The following LRRTM3 variants were observed in gnomAD, a reference collection of about 807,000 sequenced individuals.
LRRTM3 encodes the protein leucine rich repeat transmembrane neuronal 3.
LRRTM3 carries 24 observed loss-of-function variants against 44.7 expected under a neutral mutation model. The observed-to-expected ratio is 0.54, with a 90% CI of 0.39 to 0.76. The LOEUF (loss-of-function observed/expected upper bound fraction) is 0.76. Ranked by LOEUF, LRRTM3 falls within the 30% of genes least tolerant of loss-of-function variation. The probability of loss-of-function intolerance (pLI) is 0.00; values close to 1 mark genes in which losing one functional copy is unlikely to be tolerated. For synonymous variants in LRRTM3, 277 were observed against 278.7 expected, an observed-to-expected ratio of 0.99 and a Z score of 0.06; for missense variants, 587 against 702.2, an observed-to-expected ratio of 0.84 and a Z score of 1.85.
At chr10:67,091,713 G>C (rs1857652146) in intron 2 of LRRTM3, among the ~76,000 whole-genome samples, 2 of 152,014 alleles carry the variant, frequency 1.3e-5, no homozygotes. Flanking sequence ...GTGTGTGCCT[G>C]TCATTGATGT....
intron 2 of LRRTM3, among the ~76,000 whole-genome samples, chr10:66,984,210 C>T (rs768046382): frequency 6.6e-5 from 10 of 152,200 alleles, no homozygotes; most frequent in Middle Eastern, 3.4e-3. Flanking sequence ...AATATTTCAA[C>T]GAATGATGAC....
At chr10:67,081,745 C>A (rs933881430) in intron 2 of LRRTM3, among the ~76,000 whole-genome samples, 7 of 152,178 alleles carry the variant, frequency 4.6e-5, no homozygotes, top group Admixed American at 3.9e-4. Flanking sequence ...CTAGAACAGT[C>A]TTCCTACTTT....
intron 2 of LRRTM3, among the ~76,000 whole-genome samples, chr10:66,978,202 G>A (rs1175946121): frequency 6.6e-6 from 1 of 151,908 alleles, no homozygotes; most frequent in Non-Finnish European, 1.5e-5. Context: ...CTAGAGATCT[G>A]CTGCACAACA....
In LRRTM3 at chr10:66,973,693, G is replaced by A. The variant is rs137866093; in HGVS notation, c.1536+45241G>A. Among the ~76,000 whole-genome samples the A allele has an allele frequency of 3.8e-3, 584 of 152,094 alleles. 2 individuals are homozygous for A. Among genetic ancestry groups the A allele is most frequent in the African/African-American group, 0.014 (563 of 41,480 alleles). On this transcript the variant is annotated intron_variant, in intron 2 of 2. Transcript: ENST00000361320. The stretch of plus-strand genomic sequence containing the variant: ...AGCTGGAGTACAGTGGTGCGATCTC[G>A]GCTCACTGCAACCTCCATCTCCCAG...
At chr10:66,945,572 A>T (rs1220373983) in intron 2 of LRRTM3, among the ~76,000 whole-genome samples, 1 of 152,154 alleles carries the variant, frequency 6.6e-6, no homozygotes, top group Non-Finnish European at 1.5e-5. Context: ...CTTATCATTC[A>T]TGTGTTCACT....
intron 2 of LRRTM3, among the ~76,000 whole-genome samples, chr10:66,953,370 C>A (rs12244217): frequency 0.019 from 2,836 of 152,280 alleles, 80 homozygotes; most frequent in African/African-American, 0.065. Flanking sequence ...TGCCGGTTGT[C>A]TGAAATGAGA....
intron 2 of LRRTM3, among the ~76,000 whole-genome samples, chr10:67,070,560 A>G (rs1236489877): frequency 6.6e-6 from 1 of 152,116 alleles, no homozygotes; most frequent in East Asian, 1.9e-4. Flanking sequence ...CATCTTGGCC[A>G]ACATGGTGAA....
Position 67,074,507 on chromosome 10 carries a change from C to A in LRRTM3, c.1537-23080C>A, listed in dbSNP as rs1363599493. On this transcript the variant is annotated intron_variant, in intron 2 of 2. Transcript: ENST00000361320. ...CTGGGACTACAGGCGCCCACCACCA[C>A]GCCCGGCTAATTTTCTGTATTTTTA... 5.3e-5 allele frequency among the ~76,000 whole-genome samples: 8 copies of A among 151,754 alleles called. No homozygotes were observed. The East Asian group carries it at 1.6e-3, about 30-fold the overall frequency.
At chr10:66,965,720 C>T (rs1849378363) in intron 2 of LRRTM3, among the ~76,000 whole-genome samples, 1 of 151,980 alleles carries the variant, frequency 6.6e-6, no homozygotes, top group African/African-American at 2.4e-5. Context: ...TTTCTCTCTT[C>T]CTTCCATCTT....
In LRRTM3 at chr10:66,970,505, G is replaced by C. The variant is rs80332308; in HGVS notation, c.1536+42053G>C. ...ACAAAAGGTCTATATTCTTGGGTGG[G>C]GGGGGGATACAATTCTTCTATTAGG... On this transcript the variant is annotated intron_variant, in intron 2 of 2. Coordinates refer to ENST00000361320, the MANE Select transcript of LRRTM3 (RefSeq NM_178011.5). Among the ~76,000 whole-genome samples, 555 of 144,754 alleles carry C rather than the reference G, an allele frequency of 3.8e-3. 11 individuals are homozygous for C. In the East Asian group the frequency reaches 0.055, roughly 14 times the overall value. The allele number at this position is 144,754 out of a possible 152,430, so 95.0% of individuals were successfully genotyped here.
intron 2 of LRRTM3, among the ~76,000 whole-genome samples, chr10:67,001,161 G>T (rs1851662120): frequency 6.6e-6 from 1 of 150,902 alleles, no homozygotes; most frequent in African/African-American, 2.4e-5. Context: ...ATTAGCTAGG[G>T]GTGGTGGTGT....
intron 2 of LRRTM3, among the ~76,000 whole-genome samples, chr10:66,950,413 G>A (rs1408951823): frequency 2.0e-5 from 3 of 151,964 alleles, no homozygotes; most frequent in South Asian, 2.1e-4. Context: ...TATACTATAT[G>A]TTTAATAAAT....
intron 2 of LRRTM3, among the ~76,000 whole-genome samples, chr10:67,053,768 G>A (rs1313639107): frequency 1.3e-5 from 2 of 152,126 alleles, no homozygotes; most frequent in Non-Finnish European, 2.9e-5. Context: ...TCTGCTAAAG[G>A]AATTGCAAGA....
At chr10:66,938,059 C>A (rs1036111483) in intron 2 of LRRTM3, among the ~76,000 whole-genome samples, 3 of 152,054 alleles carry the variant, frequency 2.0e-5, no homozygotes, top group Admixed American at 6.6e-5. Context: ...AATTGATTTT[C>A]TGGTCATTAT....
intron 2 of LRRTM3, among the ~76,000 whole-genome samples, chr10:67,014,692 T>C (rs1038788366): frequency 8.6e-5 from 13 of 152,022 alleles, no homozygotes; most frequent in Admixed American, 7.9e-4. Flanking sequence ...TGAGATGATA[T>C]ATGTCCTATA....
At chr10:67,062,377 T>G (rs1925588) in intron 2 of LRRTM3, among the ~76,000 whole-genome samples, 97,278 of 152,072 alleles carry the variant, frequency 0.64, 32,609 homozygotes, top group African/African-American at 0.85. Context: ...ATCTGCATAG[T>G]TTTAAAATTA....
At chr10:67,035,539 G>A (rs560089902) in intron 2 of LRRTM3, among the ~76,000 whole-genome samples, 1 of 152,104 alleles carries the variant, frequency 6.6e-6, no homozygotes, top group African/African-American at 2.4e-5. Context: ...ATGTGAATCA[G>A]TAAATTCTAA....
At chr10:67,052,313 A>ACTCTCTCTCTCTCTCTCTCT (rs3841706) in intron 2 of LRRTM3, among the ~76,000 whole-genome samples, 5 of 121,120 alleles carry the variant, frequency 4.1e-5, no homozygotes, top group South Asian at 6.3e-4. Context: ...CCCACTCATC[A>ACTCTCTCTCTCTCTCTCTCT]CTCTCTCTCT....
intron 2 of LRRTM3, among the ~76,000 whole-genome samples, chr10:67,083,910 T>C (rs1010029222): frequency 3.3e-5 from 5 of 151,986 alleles, no homozygotes; most frequent in Non-Finnish European, 4.4e-5. Context: ...AGAATAAAAA[T>C]AAAGATAAGA....
Sources: allele counts gnomAD v4.1 joint callset (sites outside exome capture counted in the v4.1 genomes callset), GRCh38; gene constraint gnomAD v4.1.1; transcripts MANE v1.5; gene names NCBI Gene and HGNC (gene_info 2026-07-23, HGNC 2026-07-21).